The following COMMD10 variants were observed in gnomAD, a reference collection of about 807,000 sequenced individuals.
COMMD10 encodes COMM domain containing 10.
COMMD10 carries 33 observed loss-of-function variants against 28.9 expected under a neutral mutation model. The observed-to-expected ratio is 1.14, with a 90% CI of 0.87 to 1.53. The LOEUF is 1.53. COMMD10 is among the 40% of genes most tolerant of loss of function. COMMD10 has a pLI of 0.00. For missense variants in COMMD10, 310 were observed against 233.4 expected (o/e 1.33, Z -2.14); for synonymous variants, 110 against 81.7 (o/e 1.35, Z -1.87).
rs148892732 is a variant in COMMD10, at chr5:116,188,969, A to G, written c.510+54791A>G. On this transcript the variant is annotated intron_variant, in intron 5 of 6. Coordinates refer to ENST00000274458, the MANE Select transcript of COMMD10 (RefSeq NM_016144.4). The stretch of plus-strand genomic sequence containing the variant: ...TAATGAAGGTTGTGCTATCAGACAC[A>G]TAATATCACTGTGAAAACAACATTT... Among the ~76,000 whole-genome samples, 310 of 152,352 alleles carry G rather than the reference A, an allele frequency of 2.0e-3. 3 individuals are homozygous for G. The highest frequency in any genetic ancestry group is 7.0e-3 in the African/African-American group (291 of 41,590).
intron 5 of COMMD10, among the ~76,000 whole-genome samples, chr5:116,220,884 G>A (rs1749232391): frequency 6.6e-6 from 1 of 152,026 alleles, no homozygotes; most frequent in South Asian, 2.1e-4. Context: ...AGAAGGGATG[G>A]GGAGAAACAA....
At chr5:116,181,972 G>GAC (rs1190957003) in intron 5 of COMMD10, among the ~76,000 whole-genome samples, 1 of 152,046 alleles carries the variant, frequency 6.6e-6, no homozygotes, top group Non-Finnish European at 1.5e-5. Flanking sequence ...TCTCTTAGGG[G>GAC]ACATATATAT....
At chr5:116,250,187 CA>C (rs1561391990) in intron 5 of COMMD10, among the ~76,000 whole-genome samples, 1 of 121,368 alleles carries the variant, frequency 8.2e-6, no homozygotes, top group African/African-American at 5.0e-5. Context: ...GAAAAAATTA[CA>C]TTTTTTATCT....
At chr5:116,289,445 A>T (rs1186839234) in intron 5 of COMMD10, among the ~76,000 whole-genome samples, 1 of 151,758 alleles carries the variant, frequency 6.6e-6, no homozygotes, top group South Asian at 2.1e-4. Context: ...GGCCTCTCAA[A>T]TGTTTTCTGA....
At position 116,191,900 on chromosome 5, in the gene COMMD10, C is replaced by T. The variant is rs190032942; in HGVS notation, c.510+57722C>T. Among the ~76,000 whole-genome samples the T allele has an allele frequency of 3.6e-3, 547 of 151,522 alleles. 4 individuals carry two copies. Among genetic ancestry groups the T allele is most frequent in the Middle Eastern group, 0.01 (3 of 294 alleles). On this transcript the variant is annotated intron_variant, in intron 5 of 6. Transcript: ENST00000274458. ...CTCATGGAGTCCGTTGCACAACCCC[C>T]CATCCTCCCACCCCCCACTAACTCC...
At chr5:116,120,630 G>C (rs914046869) in intron 4 of COMMD10, among the ~76,000 whole-genome samples, 3 of 152,024 alleles carry the variant, frequency 2.0e-5, no homozygotes, top group Non-Finnish European at 4.4e-5. Flanking sequence ...TGTCACTATA[G>C]ATGGCATTCT....
intron 5 of COMMD10, among the ~76,000 whole-genome samples, chr5:116,137,915 G>A (rs969782179): frequency 6.6e-6 from 1 of 151,962 alleles, no homozygotes; most frequent in African/African-American, 2.4e-5. Flanking sequence ...AGCAAAGTGA[G>A]ATTATTTTCC....
intron 4 of COMMD10, among the ~76,000 whole-genome samples, chr5:116,110,128 T>A (rs1177209089): frequency 6.6e-6 from 1 of 152,236 alleles, no homozygotes. Flanking sequence ...ATTGGTTTGA[T>A]CATAAAGTTT....
intron 5 of COMMD10, among the ~76,000 whole-genome samples, chr5:116,176,093 G>C (rs929888767): frequency 6.6e-6 from 1 of 152,062 alleles, no homozygotes; most frequent in African/African-American, 2.4e-5. Context: ...CATTCACCTT[G>C]TTGGCTTTTT....
chr5:116,205,730 A>G (rs969931028), intron 5 of COMMD10, among the ~76,000 whole-genome samples: 7 of 152,152 alleles, frequency 4.6e-5, no homozygotes, highest in Non-Finnish European at 1.0e-4. Context: ...TGAGGTCAAG[A>G]TGGCGCCTTT....
At chr5:116,231,634 A>C (rs1749531667) in intron 5 of COMMD10, among the ~76,000 whole-genome samples, 1 of 152,242 alleles carries the variant, frequency 6.6e-6, no homozygotes, top group South Asian at 2.1e-4. Context: ...TTTTCTTCTG[A>C]CTTTCAGATT....
chr5:116,196,594 T>A (rs1007966803), intron 5 of COMMD10, among the ~76,000 whole-genome samples: 16 of 151,530 alleles, frequency 1.1e-4, no homozygotes, highest in Non-Finnish European at 2.2e-4. Flanking sequence ...TATTAAAGAG[T>A]CAGGATTATG....
chr5:116,246,395 G>A (rs933628309), intron 5 of COMMD10, among the ~76,000 whole-genome samples: 4 of 151,912 alleles, frequency 2.6e-5, no homozygotes, highest in African/African-American at 9.7e-5. Context: ...CATTAAAAAT[G>A]GCCATACTTC....
chr5:116,193,819 C>T (rs936672185), intron 5 of COMMD10, among the ~76,000 whole-genome samples: 1 of 152,092 alleles, frequency 6.6e-6, no homozygotes, highest in Non-Finnish European at 1.5e-5. Flanking sequence ...ATGGACTTAG[C>T]AGATACATGC....
At chr5:116,210,387 T>A (rs2112632911) in intron 5 of COMMD10, among the ~76,000 whole-genome samples, 1 of 151,922 alleles carries the variant, frequency 6.6e-6, no homozygotes, top group East Asian at 1.9e-4. Context: ...TGTTTATATG[T>A]GTGTTTATAG....
intron 5 of COMMD10, among the ~76,000 whole-genome samples, chr5:116,168,880 A>G (rs192511927): frequency 7.4e-4 from 113 of 152,320 alleles, no homozygotes; most frequent in South Asian, 2.1e-3. Context: ...GAAAGCGGGA[A>G]AGATCTAAAA....
At position 116,293,090 on chromosome 5, in the gene COMMD10, A is replaced by G. The variant is rs560720817; in HGVS notation, c.*601A>G. 4.2e-4 allele frequency: 167 copies of G among 396,950 alleles called. No individual in the cohort carries two copies. The highest frequency in any genetic ancestry group is 6.2e-4 in the Non-Finnish European group (139 of 224,948). 24.6% of individuals were successfully genotyped at this position (396,950 alleles called of 1,614,324 possible). The stretch of plus-strand genomic sequence containing the variant: ...TCTCTCAGTTTAATGATTTAATAAT[A>G]GTCCAGGTTTTTGTGTGTTTTTCTT... On this transcript the variant is annotated 3_prime_UTR_variant, in exon 7 of 7. Coordinates refer to ENST00000274458, the MANE Select transcript of COMMD10 (RefSeq NM_016144.4).
rs554395419 is a variant in COMMD10 at position 116,109,455 on chromosome 5, G to A, written c.399+16755G>A. On this transcript the variant is annotated intron_variant, in intron 4 of 6. Coordinates refer to ENST00000274458, the MANE Select transcript of COMMD10 (RefSeq NM_016144.4). ...CTAAAAATACAAAAATTAGCCAGGC[G>A]TGCTGGTGCGTGCCTGTAATCCCAG... Among the ~76,000 whole-genome samples, 6 of 152,164 alleles carry A rather than the reference G, an allele frequency of 3.9e-5. No homozygotes were observed. The East Asian group carries it at 5.8e-4, about 15-fold the overall frequency.
intron 5 of COMMD10, among the ~76,000 whole-genome samples, chr5:116,290,295 A>T (rs1442380925): frequency 6.6e-6 from 1 of 151,962 alleles, no homozygotes; most frequent in East Asian, 1.9e-4. Context: ...AATATAGTAT[A>T]AAAACTTCAT....
Sources: allele counts gnomAD v4.1 joint callset (sites outside exome capture counted in the v4.1 genomes callset), GRCh38; gene constraint gnomAD v4.1.1; transcripts MANE v1.5; gene names NCBI Gene and HGNC (gene_info 2026-07-23, HGNC 2026-07-21).